GOLGA2: variants seen among roughly 807,000 people sequenced by gnomAD.
GOLGA2 encodes golgin A2.
A neutral mutation model predicts 148.8 loss-of-function variants in GOLGA2; 49 were observed. That is an observed-to-expected ratio of 0.33 (90% CI 0.26 to 0.42). The LOEUF (loss-of-function observed/expected upper bound fraction) is 0.42, where lower values mean the gene tolerates loss of function less well. GOLGA2 is among the 10% of genes least tolerant of loss of function. GOLGA2 has a pLI of 1.00. For synonymous variants in GOLGA2, 501 were observed against 511.8 expected, an observed-to-expected ratio of 0.98 and a Z score of 0.28; for missense variants, 1,178 against 1,304.6, an observed-to-expected ratio of 0.90 and a Z score of 1.49.
intron 3 of GOLGA2, among the ~76,000 whole-genome samples, chr9:128,270,741 G>C (rs1353586268): frequency 1.3e-5 from 2 of 152,010 alleles, no homozygotes; most frequent in Non-Finnish European, 2.9e-5. Context: ...TACGGATATA[G>C]AGAAGGTATA....
In GOLGA2 at chr9:128,266,525, C is replaced by G. The variant is rs1407326762; in HGVS notation, c.643-200G>C. 1.6e-6 allele frequency: 1 copy of G among 606,932 alleles called. No homozygotes were observed. The highest frequency in any genetic ancestry group is 1.9e-5 in the African/African-American group (1 of 53,914). 37.6% of individuals were successfully genotyped at this position (606,932 alleles called of 1,614,324 possible). A position where few individuals can be genotyped will look rare whatever the true frequency, so the allele number is the denominator to read the frequency against. ...CTTTGTTGGTTTTTGCCCACAGCCA[C>G]AGAACTGAAAGTCTGAATCTCGATT... On this transcript the variant is annotated intron_variant, in intron 8 of 26. Coordinates refer to ENST00000611957, the MANE Select transcript of GOLGA2 (RefSeq NM_001366244.2). The surrounding 1 kb of genome is among the most constrained non-coding windows in gnomAD (Gnocchi z 4.2).
At position 128,255,872 on chromosome 9, in the gene GOLGA2, A is replaced by C. The variant is rs947641567; in HGVS notation, c.*1195T>G. 1 of 152,642 alleles carries C rather than the reference A, an allele frequency of 6.6e-6. No individual in the cohort carries two copies. Among genetic ancestry groups the C allele is most frequent in the South Asian group, 2.1e-4 (1 of 4,826 alleles). The allele number at this position is 152,642 out of a possible 1,614,324, so 9.5% of individuals were successfully genotyped here. Reference sequence around the variant, plus strand: ...TTCCGAAATAAAAAGCAAAATAAACAGGAGTCGCATCACCAGGGCGCCACG... The same window carrying C: ...TTCCGAAATAAAAAGCAAAATAAACCGGAGTCGCATCACCAGGGCGCCACG... On this transcript the variant is annotated 3_prime_UTR_variant, in exon 27 of 27. Coordinates refer to ENST00000611957, the MANE Select transcript of GOLGA2 (RefSeq NM_001366244.2).
At chr9:128,262,782 C>T in intron 13 of GOLGA2, 78 bp from the exon 14 acceptor site, 1 of 1,358,916 alleles carries the variant, frequency 7.4e-7, no homozygotes. Flanking sequence ...TCTACCCTTG[C>T]CCCACAACCA....
At position 128,259,212 on chromosome 9, in the gene GOLGA2, G is replaced by A. The variant is rs747443265; in HGVS notation, c.2052C>T (p.Gly684=). ...VDQLQQQEAQ[G]KAVAEMARQE... ...GGCGGGCCATCTCGGCCACCGCTTTGCCCTGAGCTTCCTGCTGCTGCAGCT... is the reference window on the plus strand; with the variant it reads ...GGCGGGCCATCTCGGCCACCGCTTTACCCTGAGCTTCCTGCTGCTGCAGCT... The change falls in exon 20 of 27, where the codon GGC becomes GGT. Residue 684 remains glycine (G), a synonymous_variant. Transcript: ENST00000611957. The A allele has an allele frequency of 1.3e-6, 2 of 1,590,752 alleles. No individual in the cohort carries two copies. Among genetic ancestry groups the A allele is most frequent in the Admixed American group, 3.4e-5 (2 of 58,560 alleles).
rs2013622 is a variant in GOLGA2, at chr9:128,273,939, C to T, written c.118G>A (p.Val40Ile). ...REYQQRNSPGVPTGAKKKKKI... is the reference protein window; with the variant it reads ...REYQQRNSPGIPTGAKKKKKI... Reference sequence around the variant, plus strand: ...TTCTTCTTTTTCGCTCCTGTAGGAACACCAGGGCTATTCCTCTGCTGATAT... The same window carrying T: ...TTCTTCTTTTTCGCTCCTGTAGGAATACCAGGGCTATTCCTCTGCTGATAT... The change falls in exon 2 of 27, where the codon GTT becomes ATT. Residue 40 changes from valine (V) to isoleucine (I), a missense_variant. Physicochemically the swap from Val to Ile is conservative, Grantham distance 29. Transcript: ENST00000611957. The T allele has an allele frequency of 1.4e-5, 23 of 1,612,732 alleles. No homozygotes were observed. The South Asian group carries it at 2.3e-4, about 16-fold the overall frequency.
At chr9:128,267,589 C>T in intron 6 of GOLGA2, 72 bp from the exon 7 acceptor site, 2 of 1,174,092 alleles carry the variant, frequency 1.7e-6, no homozygotes, top group Admixed American at 1.7e-5. Flanking sequence ...TTCGTTTCTT[C>T]CCCAGCAATT....
Position 128,260,632 on chromosome 9 carries a change from G to A in GOLGA2, c.1591C>T (p.Leu531=). The A allele has an allele frequency of 6.2e-7, 1 of 1,611,894 alleles. No individual in the cohort carries two copies. Among genetic ancestry groups the A allele is most frequent in the Non-Finnish European group, 8.5e-7 (1 of 1,179,990 alleles). ...SRLNREQEER[L]LELERAAELW... Reference sequence around the variant, plus strand: ...TCGGCCGCCCGCTCCAGCTCCAGCAGCCTCTCCTCCTGCTCCCGGTTCAGG... The same window carrying A: ...TCGGCCGCCCGCTCCAGCTCCAGCAACCTCTCCTCCTGCTCCCGGTTCAGG... The change falls in exon 18 of 27, where the codon CTG becomes TTG. Residue 531 remains leucine (L), a synonymous_variant. Transcript: ENST00000611957. This position sits in a 1 kb window ranked among gnomAD's most constrained non-coding sequence, Gnocchi z 4.8.
At chr9:128,270,352 G>C (rs1830864429) in intron 3 of GOLGA2, among the ~76,000 whole-genome samples, 1 of 151,908 alleles carries the variant, frequency 6.6e-6, no homozygotes, top group Admixed American at 6.6e-5. Context: ...GGCTGCTCTC[G>C]AACTCCTGAC....
chr9:128,275,848 TG>T, intron 1 of GOLGA2, 44 bp downstream of exon 1: 1 of 991,640 alleles, frequency 1.0e-6, no homozygotes, highest in Non-Finnish European at 1.5e-6. Context: ...GCCATCGGAG[TG>T]GGGCTGGGGC....
At chr9:128,270,129 A>ATTTTTTT (rs776425049) in intron 3 of GOLGA2, among the ~76,000 whole-genome samples, 2 of 115,146 alleles carry the variant, frequency 1.7e-5, no homozygotes, top group Admixed American at 9.7e-5. Flanking sequence ...GAGGAAGGGA[A>ATTTTTTT]TTTTTTTTTT....
intron 3 of GOLGA2, among the ~76,000 whole-genome samples, chr9:128,269,353 T>C (rs1343869088): frequency 6.6e-6 from 1 of 151,494 alleles, no homozygotes; most frequent in African/African-American, 2.4e-5. Context: ...GGATAAACCA[T>C]GGCCAACACC....
At chr9:128,272,491 A>C (rs1831016116) in intron 3 of GOLGA2, among the ~76,000 whole-genome samples, 1 of 151,894 alleles carries the variant, frequency 6.6e-6, no homozygotes, top group Non-Finnish European at 1.5e-5. Flanking sequence ...AAAAAAAAAG[A>C]AGAAAAAAAA....
chr9:128,263,888 G>A (rs1830428872), intron 12 of GOLGA2, among the ~76,000 whole-genome samples: 2 of 150,514 alleles, frequency 1.3e-5, no homozygotes, highest in African/African-American at 4.9e-5. Context: ...CGGGTGCGGT[G>A]GCTCACGCCT....
Position 128,258,524 on chromosome 9 carries a change from CTCCTCCTCCTCCTCA to C in GOLGA2, c.2205_2219del (p.Asp735_Glu739del), listed in dbSNP as rs757468793. On this transcript the variant is annotated inframe_deletion, in exon 22 of 27. Coordinates refer to ENST00000611957, the MANE Select transcript of GOLGA2 (RefSeq NM_001366244.2). This position sits in a 1 kb window ranked among gnomAD's most constrained non-coding sequence, Gnocchi z 6.6. ...GCTGAGGTACTGCCACCGCCTCCTC[CTCCTCCTCCTCCTCA>C]TCCTCCTCCTCCTCCCGGTCCAGTC... is the stretch of plus-strand genomic sequence containing the variant. 3.5e-5 allele frequency: 56 copies of C among 1,589,724 alleles called. 1 individual carries two copies. Among genetic ancestry groups the C allele is most frequent in the Middle Eastern group, 3.4e-4 (2 of 5,836 alleles).
At position 128,260,806 on chromosome 9, in the gene GOLGA2, A is replaced by C. The variant is rs1022883260; in HGVS notation, c.1421-4T>G. On this transcript the variant is annotated splice_region_variant and splice_polypyrimidine_tract_variant and intron_variant, in intron 17 of 26. Coordinates refer to ENST00000611957, the MANE Select transcript of GOLGA2 (RefSeq NM_001366244.2). The surrounding 1 kb of genome is among the most constrained non-coding windows in gnomAD (Gnocchi z 4.8). ...GGCTCTGGGGGCGGGGGTTCAGCTG[A>C]GAAAGGACGCAGACAATAAAAGCCT... The C allele has an allele frequency of 2.9e-5, 46 of 1,585,862 alleles. No homozygotes were observed. Among genetic ancestry groups the C allele is most frequent in the Non-Finnish European group, 3.8e-5 (44 of 1,161,748 alleles).
chr9:128,265,905 T>C lies in GOLGA2; in HGVS notation c.733-24A>G, dbSNP rs1346519969. On this transcript the variant is annotated intron_variant, in intron 10 of 26. Coordinates refer to ENST00000611957, the MANE Select transcript of GOLGA2 (RefSeq NM_001366244.2). ...ACCTTTGGGAGGAAACCCAAGCAAG[T>C]GCTGAAAAAGAAGGAAAGAAACATT... 6 of 1,607,026 alleles carry C rather than the reference T, an allele frequency of 3.7e-6. 1 individual carries two copies. In the South Asian group the frequency reaches 5.5e-5, roughly 15 times the overall value.
rs542808005 is a variant in GOLGA2 at position 128,258,516 on chromosome 9, G to A, written c.2228C>T (p.Ala743Val). 9.4e-6 allele frequency: 15 copies of A among 1,588,588 alleles called. No homozygotes were observed. The highest frequency in any genetic ancestry group is 6.9e-5 in the East Asian group (3 of 43,430). ...EEDEEEEEEE[A>V]VAVPQPMPSI... ...TGGCATGGGCTGAGGTACTGCCACC[G>A]CCTCCTCCTCCTCCTCCTCCTCATC... The change falls in exon 22 of 27, where the codon GCG becomes GTG. Residue 743 changes from alanine (A) to valine (V), a missense_variant. This residue lies in a region of GOLGA2 where 529 missense variants were observed against 521.8 expected (regional missense o/e 1.01). Coordinates refer to ENST00000611957, the MANE Select transcript of GOLGA2 (RefSeq NM_001366244.2). This position sits in a 1 kb window ranked among gnomAD's most constrained non-coding sequence, Gnocchi z 6.6.
chr9:128,270,890 A>AT (rs201773198), intron 3 of GOLGA2, among the ~76,000 whole-genome samples: 6,431 of 152,072 alleles, frequency 0.042, 243 homozygotes, highest in East Asian at 0.18. Context: ...TATTAAAAAT[A>AT]CAAAAAAAAT....
Position 128,261,235 on chromosome 9 carries a change from CCTT to C in GOLGA2, c.1354_1356del (p.Lys452del). ...TCCTGTACCCGACTCATGCTACATT[CCTT>C]CTCCTCTCTCAATGTGTGCACCTGC... On this transcript the variant is annotated inframe_deletion, in exon 17 of 27. Transcript: ENST00000611957. This position sits in a 1 kb window ranked among gnomAD's most constrained non-coding sequence, Gnocchi z 5.7. The C allele has an allele frequency of 1.9e-6, 3 of 1,613,902 alleles. No individual in the cohort carries two copies. The highest frequency in any genetic ancestry group is 2.2e-5 in the South Asian group (2 of 91,078).
Sources: gnomAD v4.1 joint callset for allele counts (sites outside exome capture counted in the v4.1 genomes callset) on GRCh38, gnomAD v4.1.1 for gene constraint, gnomAD v4.1.1 regional missense constraint, Gnocchi (gnomAD v3.1) non-coding constraint, MANE v1.5 for transcripts, NCBI Gene and HGNC (gene_info 2026-07-23, HGNC 2026-07-21) for gene names.